PHF14: variants seen among roughly 807,000 people sequenced by gnomAD.
PHF14 encodes PHD finger protein 14.
A neutral mutation model predicts 117.9 loss-of-function variants in PHF14; 55 were observed. The observed-to-expected ratio is 0.47, with a 90% confidence interval of 0.38 to 0.58. PHF14 has a LOEUF of 0.58. PHF14 is among the 20% of genes least tolerant of loss of function. The pLI is 0.00. For synonymous variants in PHF14, 409 were observed against 368.6 expected (o/e 1.11, Z -1.26); for missense variants, 978 against 1,122.2 (o/e 0.87, Z 1.84).
At position 11,036,441 on chromosome 7, in the gene PHF14, G is replaced by T; in HGVS notation, c.1626G>T (p.Gln542His). 3 of 1,613,390 alleles carry T rather than the reference G, an allele frequency of 1.9e-6. No individual in the cohort carries two copies. The South Asian group carries it at 3.3e-5, about 18-fold the overall frequency. Residue 542 changes from glutamine to histidine, a missense_variant, in exon 9 of 18, where the codon CAG (glutamine) becomes CAT (histidine). By Grantham distance (24) the Gln-to-His change is conservative. Coordinates refer to ENST00000634607, the MANE Select transcript of PHF14 (RefSeq NM_001007157.2). ...AGGCAAGGATCAATGCCCGGCTTCA[G>T]CAGTATCGTGCCAAAGCAGAACTAG... ...EAQARINARL[Q>H]QYRAKAELAR...
intron 16 of PHF14, among the ~76,000 whole-genome samples, chr7:11,088,280 G>A (rs1458315234): frequency 6.6e-6 from 1 of 151,344 alleles, no homozygotes; most frequent in Admixed American, 6.6e-5. Flanking sequence ...TTTTTTATTG[G>A]GTTTATTTTT....
At chr7:11,063,486 A>C in intron 16 of PHF14, 1 of 982,502 alleles carries the variant, frequency 1.0e-6, no homozygotes, top group Non-Finnish European at 1.2e-6. Flanking sequence ...CTTGGGGTTG[A>C]GGGTGGAGTT....
chr7:11,050,009 A>G (rs892681929), intron 13 of PHF14, among the ~76,000 whole-genome samples: 5 of 152,212 alleles, frequency 3.3e-5, no homozygotes, highest in Admixed American at 6.6e-5. Flanking sequence ...TTGCTAACCT[A>G]TTCTTAAATA....
chr7:11,035,734 A>G lies in PHF14; in HGVS notation c.1550A>G (p.Tyr517Cys), dbSNP rs762537315. The G allele has an allele frequency of 1.1e-5, 18 of 1,610,862 alleles. No individual in the cohort carries two copies. The highest frequency in any genetic ancestry group is 1.7e-5 in the Admixed American group (1 of 59,878). ...KRKNYLALQS[Y>C]CKMSLQEREK... The stretch of plus-strand genomic sequence containing the variant: ...AAAAACTACTTGGCTCTACAGTCCT[A>G]TTGTAAAATGTCTTTGCAAGAGAGA... Residue 517 changes from tyrosine to cysteine, a missense_variant, in exon 8 of 18, where the codon TAT (tyrosine) becomes TGT (cysteine). Tyr to Cys is a radical substitution (Grantham distance 194). Around this residue, in one of 7 missense-constraint regions of PHF14, gnomAD observed 237 missense variants for 276.4 expected, o/e 0.86. Coordinates refer to ENST00000634607, the MANE Select transcript of PHF14 (RefSeq NM_001007157.2).
chr7:11,096,692 A>G (rs1403669104), intron 16 of PHF14, among the ~76,000 whole-genome samples: 1 of 152,204 alleles, frequency 6.6e-6, no homozygotes, highest in East Asian at 1.9e-4. Flanking sequence ...GTAGACCTTT[A>G]AGAACTGTTT....
chr7:11,122,974 C>T (rs1249664702), intron 17 of PHF14, among the ~76,000 whole-genome samples: 1 of 152,222 alleles, frequency 6.6e-6, no homozygotes, highest in Non-Finnish European at 1.5e-5. Flanking sequence ...TGTCATGTTT[C>T]ATCCACCTTG....
intron 13 of PHF14, among the ~76,000 whole-genome samples, chr7:11,050,279 G>C (rs1364340544): frequency 6.6e-6 from 1 of 152,046 alleles, no homozygotes; most frequent in Non-Finnish European, 1.5e-5. Context: ...TACATTCAAA[G>C]ATACTGATAT....
chr7:11,098,556 TAA>T (rs947405151), intron 16 of PHF14, among the ~76,000 whole-genome samples: 1 of 152,148 alleles, frequency 6.6e-6, no homozygotes, highest in African/African-American at 2.4e-5. Flanking sequence ...CCTCACCTGA[TAA>T]AATGGCCAGA....
At chr7:11,128,925 T>G (rs1452123630) in intron 17 of PHF14, among the ~76,000 whole-genome samples, 1 of 152,088 alleles carries the variant, frequency 6.6e-6, no homozygotes, top group Admixed American at 6.6e-5. Flanking sequence ...TTGCACTTTT[T>G]TTGCTAGGCT....
intron 7 of PHF14, among the ~76,000 whole-genome samples, chr7:11,030,390 C>G (rs1038073051): frequency 1.3e-5 from 2 of 151,918 alleles, no homozygotes; most frequent in Non-Finnish European, 2.9e-5. Flanking sequence ...CAGTGGAGAG[C>G]TTTCTTTTTT....
At chr7:11,116,378 G>A (rs1052386844) in intron 17 of PHF14, among the ~76,000 whole-genome samples, 1 of 151,902 alleles carries the variant, frequency 6.6e-6, no homozygotes, top group African/African-American at 2.4e-5. Context: ...TGCTTTTCCC[G>A]GTTCTTCTCA....
intron 16 of PHF14, chr7:11,106,912 T>A: frequency 1.0e-6 from 1 of 983,554 alleles, no homozygotes; most frequent in Non-Finnish European, 1.2e-6. Context: ...ACAAGTAAAA[T>A]GTTCCATTGG....
intron 14 of PHF14, among the ~76,000 whole-genome samples, chr7:11,060,632 T>C (rs1035794689): frequency 2.6e-5 from 4 of 152,326 alleles, no homozygotes; most frequent in African/African-American, 7.2e-5. Context: ...TGGGTCATGA[T>C]TGACACCTTG....
chr7:11,105,123 A>T, intron 16 of PHF14: 2 of 973,340 alleles, frequency 2.1e-6, no homozygotes, highest in Non-Finnish European at 2.4e-6. Context: ...CAATTCACTC[A>T]TCCTTTTGTT....
chr7:11,090,112 A>G (rs900723954), intron 16 of PHF14, among the ~76,000 whole-genome samples: 2 of 152,154 alleles, frequency 1.3e-5, no homozygotes, highest in Admixed American at 6.5e-5. Flanking sequence ...TCATTTTTTT[A>G]TACTTAAGAT....
At chr7:11,006,913 A>G in intron 4 of PHF14, 1 of 480,156 alleles carries the variant, frequency 2.1e-6, no homozygotes, top group South Asian at 1.8e-5. Context: ...GGTGGCTCAC[A>G]CCTTTAATCC....
At chr7:11,047,984 T>C (rs1784732663) in intron 13 of PHF14, among the ~76,000 whole-genome samples, 1 of 151,190 alleles carries the variant, frequency 6.6e-6, no homozygotes, top group Admixed American at 6.6e-5. Flanking sequence ...GAGAAAAACC[T>C]CTTGGTATTT....
At chr7:11,153,663 A>G (rs1788764103) in intron 17 of PHF14, among the ~76,000 whole-genome samples, 1 of 152,178 alleles carries the variant, frequency 6.6e-6, no homozygotes, top group Admixed American at 6.5e-5. Context: ...AAACTCATAG[A>G]ACTAGAAGAA....
intron 17 of PHF14, among the ~76,000 whole-genome samples, chr7:11,113,315 A>G (rs942445773): frequency 2.6e-5 from 4 of 152,156 alleles, no homozygotes; most frequent in South Asian, 2.1e-4. Context: ...TGTACATGCC[A>G]TAGGTGCCAG....
Sources: allele counts gnomAD v4.1 joint callset (sites outside exome capture counted in the v4.1 genomes callset), GRCh38; gene constraint gnomAD v4.1.1; regional missense constraint gnomAD v4.1.1; transcripts MANE v1.5; gene names NCBI Gene and HGNC (gene_info 2026-07-23, HGNC 2026-07-21).